SSH1: variants seen among roughly 807,000 people sequenced by gnomAD.
SSH1 encodes slingshot protein phosphatase 1.
Under a neutral mutation model 79.7 loss-of-function variants are expected in SSH1, and 43 were observed. That is an observed-to-expected ratio of 0.54 (90% CI 0.42 to 0.70). The LOEUF (loss-of-function observed/expected upper bound fraction) is 0.70, where lower values mean the gene tolerates loss of function less well. Among genes scored for constraint, SSH1 ranks in the 30% least tolerant of loss-of-function variants. The pLI, the probability that SSH1 is intolerant of heterozygous loss-of-function variation, is 0.00. For missense variants in SSH1, 1,206 were observed against 1,358.8 expected, an observed-to-expected ratio of 0.89 and a Z score of 1.77; for synonymous variants, 599 against 538.3, an observed-to-expected ratio of 1.11 and a Z score of -1.56.
chr12:108,801,345 A>C (rs1182916042), intron 11 of SSH1, among the ~76,000 whole-genome samples: 2 of 152,162 alleles, frequency 1.3e-5, no homozygotes, highest in African/African-American at 4.8e-5. Context: ...GAACTGCCTT[A>C]AATCTTTTTT....
chr12:108,804,939 C>A, intron 10 of SSH1, 117 bp downstream of exon 10: 1 of 1,280,298 alleles, frequency 7.8e-7, no homozygotes, highest in South Asian at 1.3e-5. Context: ...AGGATGGAGG[C>A]TCTGGCAACT....
intron 2 of SSH1, chr12:108,836,968 T>A (rs747519669): frequency 2.3e-5 from 12 of 520,166 alleles, no homozygotes; most frequent in Admixed American, 1.2e-4. Flanking sequence ...CAGTGGCTCA[T>A]GCCTGTAATC....
rs1215813767 is a variant in SSH1, at chr12:108,786,442, AG to A, written c.*1545del. On this transcript the variant is annotated 3_prime_UTR_variant, in exon 15 of 15. Transcript: ENST00000326495. ...TCACATTTACCCAGTTTCTTCCTAC[AG>A]GGCCATGAGCAGCCCTGTGTGGCAA... 1 of 152,246 alleles carries A rather than the reference AG, an allele frequency of 6.6e-6. No homozygotes were observed. 9.4% of individuals were successfully genotyped at this position (152,246 alleles called of 1,614,324 possible).
intron 2 of SSH1, among the ~76,000 whole-genome samples, chr12:108,837,526 A>G (rs1486942751): frequency 6.6e-6 from 1 of 152,216 alleles, no homozygotes; most frequent in Non-Finnish European, 1.5e-5. Context: ...CAGGTTGACA[A>G]ATTACTTTCA....
intron 1 of SSH1, among the ~76,000 whole-genome samples, chr12:108,856,224 A>G (rs778165992): frequency 3.3e-5 from 5 of 152,232 alleles, no homozygotes; most frequent in Non-Finnish European, 7.3e-5. Flanking sequence ...CGGGTTCTTC[A>G]AGAGATGGTG....
intron 10 of SSH1, among the ~76,000 whole-genome samples, 178 bp from the exon 11 acceptor site, chr12:108,802,546 G>A (rs985706433): frequency 6.6e-6 from 1 of 152,178 alleles, no homozygotes; most frequent in Non-Finnish European, 1.5e-5. Context: ...TGAGTACTCA[G>A]AGCATGAGAG....
intron 2 of SSH1, among the ~76,000 whole-genome samples, chr12:108,824,139 T>C (rs570836482): frequency 8.5e-5 from 13 of 152,318 alleles, no homozygotes; most frequent in African/African-American, 2.9e-4. Flanking sequence ...CTTTCACTAG[T>C]TGTTTGCATT....
At chr12:108,793,983 G>A (rs775187162) in intron 13 of SSH1, among the ~76,000 whole-genome samples, 6 of 152,200 alleles carry the variant, frequency 3.9e-5, no homozygotes, top group Admixed American at 1.3e-4. Flanking sequence ...CAGGCTCAGG[G>A]AGAGGTCAGT....
chr12:108,827,539 T>G, intron 2 of SSH1: 1 of 1,280,606 alleles, frequency 7.8e-7, no homozygotes, highest in Non-Finnish European at 9.9e-7. Flanking sequence ...CCTCTGATAT[T>G]TTGGCTGAAA....
chr12:108,799,607 C>A (rs1436281861), intron 12 of SSH1, among the ~76,000 whole-genome samples: 3 of 152,190 alleles, frequency 2.0e-5, no homozygotes, highest in Admixed American at 6.5e-5. Context: ...AAGAGCTACT[C>A]AGCTGCTACA....
intron 6 of SSH1, among the ~76,000 whole-genome samples, chr12:108,810,003 A>G (rs2037496050): frequency 6.6e-6 from 1 of 151,796 alleles, no homozygotes; most frequent in South Asian, 2.1e-4. Flanking sequence ...AAAAACTGAA[A>G]CCCTAGCAAA....
rs1225309999 is a variant in SSH1, at chr12:108,817,997, C to T, written c.279+252G>A. On this transcript the variant is annotated intron_variant, in intron 4 of 14. Coordinates refer to ENST00000326495, the MANE Select transcript of SSH1 (RefSeq NM_018984.4). ...GGAGAATCATTTGAGGCCAGGAGTT[C>T]AAGACCAGCCTGGGCAAAATAGCAA... is the stretch of plus-strand genomic sequence containing the variant. Among the ~76,000 whole-genome samples the T allele has an allele frequency of 2.0e-5, 3 of 152,228 alleles. No individual in the cohort carries two copies. In the South Asian group the frequency reaches 6.2e-4, roughly 32 times the overall value.
Position 108,781,393 on chromosome 12 carries a change from T to A in SSH1, c.*6595A>T, listed in dbSNP as rs777178384. 2 of 152,230 alleles carry A rather than the reference T, an allele frequency of 1.3e-5. No homozygotes were observed. Among genetic ancestry groups the A allele is most frequent in the African/African-American group, 4.8e-5 (2 of 41,454 alleles). 9.4% of individuals were successfully genotyped at this position (152,230 alleles called of 1,614,324 possible). A position where few individuals can be genotyped will look rare whatever the true frequency, so the allele number is the denominator to read the frequency against. The stretch of plus-strand genomic sequence containing the variant: ...CCATGACTGCCACTGCACTCCAGGC[T>A]GTCTCAAAAAAAGAAAGACTTACCT... On this transcript the variant is annotated 3_prime_UTR_variant, in exon 15 of 15. Coordinates refer to ENST00000326495, the MANE Select transcript of SSH1 (RefSeq NM_018984.4).
At position 108,778,578 on chromosome 12, in the gene SSH1, A is replaced by G. The variant is rs758284032; in HGVS notation, c.*9410T>C. 3.9e-5 allele frequency: 6 copies of G among 152,226 alleles called. No individual in the cohort carries two copies. The highest frequency in any genetic ancestry group is 8.8e-5 in the Non-Finnish European group (6 of 68,048). The allele number at this position is 152,226 out of a possible 1,614,324, so 9.4% of individuals were successfully genotyped here. On this transcript the variant is annotated 3_prime_UTR_variant, in exon 15 of 15. Transcript: ENST00000326495. The stretch of plus-strand genomic sequence containing the variant: ...ATGTGAAACCCTTGCAACTAGGAAT[A>G]TATCCTCCAATTCCAACAATAACAA...
intron 12 of SSH1, 64 bp from the exon 13 acceptor site, chr12:108,799,264 A>G: frequency 1.0e-5 from 14 of 1,374,872 alleles, no homozygotes; most frequent in African/African-American, 1.4e-5. Flanking sequence ...GGAGTTAAAA[A>G]GCTCCAACAA....
chr12:108,835,100 G>A lies in SSH1; in HGVS notation c.111-11739C>T, dbSNP rs185126271. On this transcript the variant is annotated intron_variant, in intron 2 of 14. Coordinates refer to ENST00000326495, the MANE Select transcript of SSH1 (RefSeq NM_018984.4). ...CTAAGTTCCCCACATCACCTTGAGT[G>A]TCTGGAGAGCTAGGCCTATGACTTC... Among the ~76,000 whole-genome samples, 5 of 152,304 alleles carry A rather than the reference G, an allele frequency of 3.3e-5. No individual in the cohort carries two copies. The East Asian group carries it at 9.6e-4, about 29-fold the overall frequency.
chr12:108,792,157 A>G, intron 14 of SSH1, 129 bp downstream of exon 14: 2 of 1,533,756 alleles, frequency 1.3e-6, no homozygotes, highest in Non-Finnish European at 1.8e-6. Flanking sequence ...CCCAGAGGAG[A>G]CAATAGAAAA....
Position 108,789,196 on chromosome 12 carries a change from A to C in SSH1, c.1942T>G (p.Ser648Ala). Residue 648 changes from serine (S) to alanine (A), a missense_variant, in exon 15 of 15, where the codon TCC becomes GCC. Coordinates refer to ENST00000326495, the MANE Select transcript of SSH1 (RefSeq NM_018984.4). The part of the protein sequence containing the change: ...ILNKVKPSYK[S>A]CADCMYPTAS... ...GTAGGGTACATGCAGTCGGCACAGG[A>C]TTTATAGGAAGGCTTCACTTTGTTA... 1 of 1,607,468 alleles carries C rather than the reference A, an allele frequency of 6.2e-7. No homozygotes were observed. The highest frequency in any genetic ancestry group is 1.3e-5 in the African/African-American group (1 of 74,954).
At chr12:108,806,161 G>GA in intron 9 of SSH1, 140 bp downstream of exon 9, 2 of 837,554 alleles carry the variant, frequency 2.4e-6, no homozygotes, top group Non-Finnish European at 2.1e-6. Flanking sequence ...GAACGAGGCA[G>GA]AAAAAAGCCT....
Sources: gnomAD v4.1 joint callset for allele counts (sites outside exome capture counted in the v4.1 genomes callset) on GRCh38, gnomAD v4.1.1 for gene constraint, MANE v1.5 for transcripts, NCBI Gene and HGNC (gene_info 2026-07-23, HGNC 2026-07-21) for gene names.